Variants in RAB2A observed in about 807,000 individuals in gnomAD.
RAB2A encodes ras-related protein Rab-2A.
In RAB2A, 7 loss-of-function variants were observed where a neutral mutation model predicts 32.5. That is an observed-to-expected ratio of 0.22 (90% CI 0.12 to 0.40). The LOEUF is 0.40. Among genes scored for constraint, RAB2A ranks in the 10% least tolerant of loss-of-function variants. The probability of loss-of-function intolerance (pLI) is 1.00; values close to 1 mark genes in which losing one functional copy is unlikely to be tolerated. For missense variants in RAB2A, 108 were observed against 260.7 expected (o/e 0.41, Z 4.03); for synonymous variants, 79 against 85.2 (o/e 0.93, Z 0.40).
At chr8:60,608,107 G>GTT (rs1377665379) in intron 6 of RAB2A, among the ~76,000 whole-genome samples, 6 of 151,942 alleles carry the variant, frequency 3.9e-5, no homozygotes, top group African/African-American at 1.5e-4. Flanking sequence ...GTTTTTGTTT[G>GTT]TTTGTTTGTT....
intron 6 of RAB2A, 150 bp downstream of exon 6, chr8:60,592,119 CA>C: frequency 2.1e-6 from 1 of 467,226 alleles, no homozygotes; most frequent in Non-Finnish European, 3.9e-6. Flanking sequence ...TCCCTTGTAA[CA>C]TTCACCTTCT....
At chr8:60,590,024 C>T (rs542418794) in intron 5 of RAB2A, among the ~76,000 whole-genome samples, 37 of 151,798 alleles carry the variant, frequency 2.4e-4, no homozygotes, top group African/African-American at 6.3e-4. Flanking sequence ...TGCAGTGGCG[C>T]GATCTCTGCT....
intron 6 of RAB2A, among the ~76,000 whole-genome samples, chr8:60,601,104 GCCT>G (rs778414986): frequency 7.2e-5 from 11 of 152,190 alleles, no homozygotes; most frequent in Non-Finnish European, 1.5e-4. Context: ...TCAGGAAGAA[GCCT>G]CCTAACCACA....
intron 1 of RAB2A, among the ~76,000 whole-genome samples, chr8:60,548,555 G>A (rs1807783396): frequency 7.7e-6 from 1 of 129,294 alleles, no homozygotes; most frequent in African/African-American, 3.2e-5. Context: ...CGGCTGGCCG[G>A]GCAGAGGGGA....
chr8:60,517,017 C>T lies in RAB2A; in HGVS notation c.-191C>T. The T allele has an allele frequency of 5.9e-6, 3 of 504,262 alleles. No homozygotes were observed. Among genetic ancestry groups the T allele is most frequent in the South Asian group, 6.6e-5 (2 of 30,316 alleles). The allele number at this position is 504,262 out of a possible 1,614,324, so 31.2% of individuals were successfully genotyped here. ...TCGGCTGGGCTCGGTCGGGCGCTGT[C>T]TCCCTCGGCTCTGCGGGTGTCAGTT... is the stretch of plus-strand genomic sequence containing the variant. On this transcript the variant is annotated 5_prime_UTR_variant, in exon 1 of 8. Coordinates refer to ENST00000262646, the MANE Select transcript of RAB2A (RefSeq NM_002865.3).
intron 3 of RAB2A, among the ~76,000 whole-genome samples, chr8:60,580,338 A>C (rs1454216923): frequency 1.3e-5 from 2 of 152,148 alleles, no homozygotes; most frequent in East Asian, 3.9e-4. Flanking sequence ...TTAATATGTC[A>C]AGGTAGTTAA....
intron 3 of RAB2A, among the ~76,000 whole-genome samples, chr8:60,580,812 TCTCTTATCTAGGCTCTAAACTGGAA>T (rs1803736102): frequency 6.6e-6 from 1 of 152,238 alleles, no homozygotes. Flanking sequence ...CTCTTTACTA[TCTCTTATCTAGGCTCTAAACTGGAA>T]GTTGTGGATC....
intron 7 of RAB2A, chr8:60,618,859 G>T: frequency 6.0e-6 from 1 of 166,234 alleles, no homozygotes. Flanking sequence ...TTCTAGTAGA[G>T]CAACACTTTG....
At chr8:60,526,083 C>T in intron 1 of RAB2A, among the ~76,000 whole-genome samples, 1 of 134,058 alleles carries the variant, frequency 7.5e-6, no homozygotes, top group Admixed American at 7.9e-5. Flanking sequence ...GCATAACAAA[C>T]TACCAGAAAC....
At chr8:60,530,260 C>T (rs557420795) in intron 1 of RAB2A, among the ~76,000 whole-genome samples, 94 of 151,834 alleles carry the variant, frequency 6.2e-4, no homozygotes, top group African/African-American at 2.2e-3. Context: ...GCCGTTCTGC[C>T]TCAGCCTCTC....
chr8:60,558,606 A>G, intron 1 of RAB2A: 1 of 531,088 alleles, frequency 1.9e-6, no homozygotes, highest in Non-Finnish European at 3.4e-6. Flanking sequence ...TTTAGCTGCC[A>G]TATTTATCTT....
Position 60,623,053 on chromosome 8 carries a change from C to T in RAB2A, c.*2284C>T, listed in dbSNP as rs1019626989. On this transcript the variant is annotated 3_prime_UTR_variant, in exon 8 of 8. Transcript: ENST00000262646. ...TATAGCATCTATGGACATAGAAAAT[C>T]AGTCACTGAAAAAAATAAACACAGC... is the stretch of plus-strand genomic sequence containing the variant. 1 of 152,076 alleles carries T rather than the reference C, an allele frequency of 6.6e-6. No individual in the cohort carries two copies. Among genetic ancestry groups the T allele is most frequent in the Admixed American group, 6.5e-5 (1 of 15,270 alleles). The allele number at this position is 152,076 out of a possible 1,614,324, so 9.4% of individuals were successfully genotyped here.
At chr8:60,612,952 A>G (rs1169035183) in intron 6 of RAB2A, among the ~76,000 whole-genome samples, 1 of 152,206 alleles carries the variant, frequency 6.6e-6, no homozygotes, top group Non-Finnish European at 1.5e-5. Flanking sequence ...ATTGGATGAT[A>G]TACGAGTTTT....
rs1808162087 is a variant in RAB2A, at chr8:60,569,349, G to A, written c.119-2697G>A. On this transcript the variant is annotated intron_variant, in intron 2 of 7. Transcript: ENST00000262646. ...TTATCCATCCTGACCTGGTTGATAA[G>A]TGAAGTTAAGATGTCTATTGTATTA... Among the ~76,000 whole-genome samples, 3 of 152,218 alleles carry A rather than the reference G, an allele frequency of 2.0e-5. No individual in the cohort carries two copies. In the South Asian group the frequency reaches 6.2e-4, roughly 32 times the overall value.
intron 1 of RAB2A, among the ~76,000 whole-genome samples, chr8:60,553,694 C>G (rs1807890602): frequency 6.6e-6 from 1 of 152,120 alleles, no homozygotes; most frequent in African/African-American, 2.4e-5. Context: ...GTCAAGTACC[C>G]TGTGTTACAG....
intron 6 of RAB2A, among the ~76,000 whole-genome samples, chr8:60,608,993 G>A (rs760173024): frequency 5.9e-5 from 9 of 152,034 alleles, no homozygotes; most frequent in Non-Finnish European, 1.2e-4. Context: ...TCATTTTTCA[G>A]TCCCTTACAC....
intron 5 of RAB2A, among the ~76,000 whole-genome samples, chr8:60,588,674 G>A (rs943303970): frequency 6.6e-6 from 1 of 152,142 alleles, no homozygotes; most frequent in Non-Finnish European, 1.5e-5. Context: ...AGGGTGCAGG[G>A]GCAAGAAGGG....
chr8:60,531,569 G>A (rs956264930), intron 1 of RAB2A, among the ~76,000 whole-genome samples: 12 of 152,152 alleles, frequency 7.9e-5, no homozygotes, highest in Admixed American at 7.9e-4. Flanking sequence ...AAAATTTAGT[G>A]GGGTTGGTCT....
At chr8:60,598,919 C>G (rs1280886615) in intron 6 of RAB2A, among the ~76,000 whole-genome samples, 3 of 104,342 alleles carry the variant, frequency 2.9e-5, no homozygotes, top group Admixed American at 2.9e-4. Context: ...GATGGAAGTT[C>G]TAGCCAGTGC....
Sources: allele counts gnomAD v4.1 joint callset (sites outside exome capture counted in the v4.1 genomes callset), GRCh38; gene constraint gnomAD v4.1.1; transcripts MANE v1.5; gene names NCBI Gene and HGNC (gene_info 2026-07-23, HGNC 2026-07-21).